The following FGF13 variants were observed in gnomAD, a reference collection of about 807,000 sequenced individuals.
The protein encoded by FGF13 is fibroblast growth factor homologous factor 2.
FGF13 carries 2 observed loss-of-function variants against 19.5 expected under a neutral mutation model. The ratio of observed to expected loss-of-function variants is 0.10; its 90% CI spans 0.04 to 0.32. The LOEUF (loss-of-function observed/expected upper bound fraction) is 0.32, where lower values mean the gene tolerates loss of function less well. FGF13 is among the 10% of genes least tolerant of loss of function. FGF13 has a pLI of 1.00. For missense variants in FGF13, 113 were observed against 192.7 expected (o/e 0.59, Z 2.45); for synonymous variants, 72 against 76.9 (o/e 0.94, Z 0.33).
intron 1 of FGF13, among the ~76,000 whole-genome samples, chrX:138,913,624 GGGAAGGAGGGATGGAGGAAGGAAGGAA>G (rs1389201189): frequency 2.1e-5 from 2 of 97,484 alleles, no homozygotes; most frequent in Admixed American, 2.4e-4. Flanking sequence ...GAGGGAGGGA[GGGAAGGAGGGATGGAGGAAGGAAGGAA>G]GGAAGGAAGG....
intron 3 of FGF13, among the ~76,000 whole-genome samples, chrX:138,700,373 G>C (rs899449181): frequency 3.6e-5 from 4 of 111,676 alleles, no homozygotes; most frequent in South Asian, 3.8e-4. Context: ...TGTAGTAGAA[G>C]TGCCATGGTT....
intron 1 of FGF13, among the ~76,000 whole-genome samples, chrX:139,055,879 T>A (rs1007097599): frequency 8.9e-6 from 1 of 112,733 alleles, no homozygotes; most frequent in Admixed American, 9.4e-5. Context: ...TAATGTCTTA[T>A]CTTTCTTAGT....
At chrX:138,869,788 A>T (rs1229908110) in intron 1 of FGF13, among the ~76,000 whole-genome samples, 4 of 112,096 alleles carry the variant, frequency 3.6e-5, no homozygotes, top group Non-Finnish European at 7.5e-5. Flanking sequence ...TTCCAACTAA[A>T]TGGGTGCTTT....
intron 3 of FGF13, among the ~76,000 whole-genome samples, chrX:138,655,092 T>C (rs907259903): frequency 7.2e-5 from 8 of 111,826 alleles, no homozygotes; most frequent in African/African-American, 2.6e-4. Flanking sequence ...CTAGTGTACC[T>C]TCTTCTTGTC....
intron 3 of FGF13, among the ~76,000 whole-genome samples, chrX:138,825,184 T>G (rs1334873629): frequency 9.0e-6 from 1 of 111,478 alleles, no homozygotes; most frequent in African/African-American, 3.3e-5. Context: ...ACTGGGGAAA[T>G]GTATACATAA....
chrX:138,687,311 A>C (rs763019344), intron 3 of FGF13, among the ~76,000 whole-genome samples: 2 of 111,618 alleles, frequency 1.8e-5, no homozygotes, highest in African/African-American at 6.5e-5. Flanking sequence ...TAAATAAATA[A>C]ATAAATAAAT....
At chrX:138,634,569 T>A (rs745703226) in intron 4 of FGF13, among the ~76,000 whole-genome samples, 6 of 112,934 alleles carry the variant, frequency 5.3e-5, no homozygotes, top group African/African-American at 6.4e-5. Flanking sequence ...GTAAGTTTTT[T>A]AAATAAATGT....
At chrX:138,892,002 A>ATATATGTATGTG (rs756839627) in intron 1 of FGF13, among the ~76,000 whole-genome samples, 3 of 90,365 alleles carry the variant, frequency 3.3e-5, no homozygotes, top group African/African-American at 1.3e-4. Flanking sequence ...ATATATACAT[A>ATATATGTATGTG]TGTGTGTGTG....
chrX:139,050,776 G>A (rs973616057), intron 1 of FGF13, among the ~76,000 whole-genome samples: 1 of 112,190 alleles, frequency 8.9e-6, no homozygotes, highest in African/African-American at 3.2e-5. Context: ...GCTCAGAACA[G>A]CCATTTTTAG....
intron 3 of FGF13, among the ~76,000 whole-genome samples, chrX:138,677,752 AT>A (rs1463994300): frequency 8.9e-6 from 1 of 112,548 alleles, no homozygotes; most frequent in Non-Finnish European, 1.9e-5. Context: ...TAGTTCAACC[AT>A]TGTGGAAGTC....
chrX:139,003,469 G>C (rs1054491882), intron 1 of FGF13, among the ~76,000 whole-genome samples: 5 of 111,726 alleles, frequency 4.5e-5, no homozygotes, highest in African/African-American at 1.3e-4. Flanking sequence ...ATGCTGGCTC[G>C]GGCAGCCTGC....
chrX:138,771,013 T>C (rs2090541285), intron 3 of FGF13, among the ~76,000 whole-genome samples: 1 of 111,421 alleles, frequency 9.0e-6, no homozygotes, highest in Non-Finnish European at 1.9e-5. Context: ...CCCTACAGTG[T>C]AAAGAATGGG....
rs192076659 is a variant in FGF13, at chrX:139,112,077, A to G, written c.-113+91339T>C. 2.7e-4 allele frequency among the ~76,000 whole-genome samples: 30 copies of G among 112,001 alleles called. No homozygotes were observed. In the East Asian group the frequency reaches 8.5e-3, roughly 32 times the overall value. On this transcript the variant is annotated intron_variant, in intron 1 of 2. Transcript: ENST00000421460. ...AGGGCCATATTTATTTGATACCAAAAAGAAAATCAATCACTTTCCTATTTT... is the reference window on the plus strand; with the variant it reads ...AGGGCCATATTTATTTGATACCAAAGAGAAAATCAATCACTTTCCTATTTT...
chrX:139,006,330 T>G (rs774930700), intron 1 of FGF13, among the ~76,000 whole-genome samples: 1 of 111,469 alleles, frequency 9.0e-6, no homozygotes, highest in South Asian at 3.8e-4. Flanking sequence ...GTATATCTGG[T>G]GAAAATATCC....
chrX:138,876,651 C>T (rs940806970), intron 1 of FGF13, among the ~76,000 whole-genome samples: 1 of 111,943 alleles, frequency 8.9e-6, no homozygotes, highest in Admixed American at 9.5e-5. Context: ...GGATGCTGAC[C>T]TCCAGAAAAG....
At chrX:138,663,238 T>C (rs962744753) in intron 3 of FGF13, among the ~76,000 whole-genome samples, 2 of 111,789 alleles carry the variant, frequency 1.8e-5, no homozygotes, top group Admixed American at 1.9e-4. Flanking sequence ...CTTAGGTGAA[T>C]ATTGAAATGA....
At chrX:138,990,447 T>C (rs778699812) in intron 1 of FGF13, 2 of 110,715 alleles carry the variant, frequency 1.8e-5, no homozygotes, top group Admixed American at 9.7e-5. Context: ...TTTCATGCTG[T>C]TGATAAAGAC....
At chrX:138,882,687 G>A (rs1201641253) in intron 1 of FGF13, among the ~76,000 whole-genome samples, 3 of 111,899 alleles carry the variant, frequency 2.7e-5, no homozygotes, top group Non-Finnish European at 5.6e-5. Context: ...GCTGGTTTCA[G>A]TACAGAAGTT....
intron 1 of FGF13, among the ~76,000 whole-genome samples, chrX:138,945,770 G>A (rs1390027985): frequency 8.9e-6 from 1 of 111,771 alleles, no homozygotes; most frequent in Non-Finnish European, 1.9e-5. Context: ...CACTTACAGT[G>A]ACTGTAGGTT....
Sources: allele counts gnomAD v4.1 joint callset (sites outside exome capture counted in the v4.1 genomes callset), GRCh38; gene constraint gnomAD v4.1.1; transcripts MANE v1.5; gene names NCBI Gene and HGNC (gene_info 2026-07-23, HGNC 2026-07-21).